Variants in MARCHF4 observed in about 807,000 individuals in gnomAD.
The protein encoded by MARCHF4 is E3 ubiquitin-protein ligase MARCHF4.
In MARCHF4, 14 loss-of-function variants were observed where a neutral mutation model predicts 43.9. The observed-to-expected ratio is 0.32, with a 90% confidence interval of 0.21 to 0.50. The LOEUF (loss-of-function observed/expected upper bound fraction) is 0.50, where lower values mean the gene tolerates loss of function less well. MARCHF4 is among the 20% of genes least tolerant of loss of function. MARCHF4 has a pLI of 0.98. For missense variants in MARCHF4, 468 were observed against 536.7 expected, an observed-to-expected ratio of 0.87 and a Z score of 1.27; for synonymous variants, 226 against 213.3, an observed-to-expected ratio of 1.06 and a Z score of -0.52.
chr2:216,283,523 G>A (rs1026615429), intron 2 of MARCHF4, 51 bp downstream of exon 2: 1 of 1,527,902 alleles, frequency 6.5e-7, no homozygotes, highest in Admixed American at 1.8e-5. Flanking sequence ...TAAAGCAGGT[G>A]GTGTGGAAGC....
intron 1 of MARCHF4, among the ~76,000 whole-genome samples, chr2:216,360,485 T>C (rs1692558721): frequency 6.8e-6 from 1 of 146,590 alleles, no homozygotes; most frequent in Non-Finnish European, 1.5e-5. Flanking sequence ...ATGGAGGAAG[T>C]TTAAATGTAT....
intron 1 of MARCHF4, among the ~76,000 whole-genome samples, chr2:216,317,605 G>T (rs1691799937): frequency 6.6e-6 from 1 of 152,098 alleles, no homozygotes; most frequent in African/African-American, 2.4e-5. Flanking sequence ...GTAGAGATGG[G>T]GTTTCGCCAT....
In MARCHF4 at chr2:216,310,671, C is replaced by G. The variant is rs2105955957; in HGVS notation, c.517-26942G>C. ...TTGCTCTCTGCTGCATGATAACCTTCAAAGTAGTGGTGGGTAGCCAGTCTG... is the reference window on the plus strand; with the variant it reads ...TTGCTCTCTGCTGCATGATAACCTTGAAAGTAGTGGTGGGTAGCCAGTCTG... On this transcript the variant is annotated intron_variant, in intron 1 of 3. Transcript: ENST00000273067. Among the ~76,000 whole-genome samples, 3 of 152,324 alleles carry G rather than the reference C, an allele frequency of 2.0e-5. No individual in the cohort carries two copies. The Middle Eastern group carries it at 0.01, about 518-fold the overall frequency.
At chr2:216,316,288 T>G (rs1436828287) in intron 1 of MARCHF4, among the ~76,000 whole-genome samples, 2 of 152,186 alleles carry the variant, frequency 1.3e-5, no homozygotes, top group African/African-American at 4.8e-5. Context: ...AGAGCAGCCT[T>G]CCTGCTGAGA....
chr2:216,270,981 C>T (rs1255994730), intron 3 of MARCHF4, among the ~76,000 whole-genome samples: 1 of 152,218 alleles, frequency 6.6e-6, no homozygotes, highest in East Asian at 1.9e-4. Flanking sequence ...CCCATTCTCT[C>T]CATAGTTGCT....
chr2:216,343,388 C>G (rs1190636200), intron 1 of MARCHF4, among the ~76,000 whole-genome samples: 1 of 152,154 alleles, frequency 6.6e-6, no homozygotes, highest in African/African-American at 2.4e-5. Flanking sequence ...GCTTTAGTCT[C>G]TTGCTTTTCT....
intron 1 of MARCHF4, among the ~76,000 whole-genome samples, chr2:216,341,554 G>C (rs1404260654): frequency 6.6e-6 from 1 of 152,208 alleles, no homozygotes; most frequent in Non-Finnish European, 1.5e-5. Flanking sequence ...ATGGTTTTAA[G>C]GGCATAAGGC....
intron 2 of MARCHF4, among the ~76,000 whole-genome samples, chr2:216,279,473 AGG>A (rs1691089282): frequency 6.6e-6 from 1 of 152,218 alleles, no homozygotes; most frequent in Admixed American, 6.5e-5. Flanking sequence ...TTGGGAAGGT[AGG>A]GGGAGGACAT....
In MARCHF4 at chr2:216,326,613, G is replaced by A. The variant is rs796669443; in HGVS notation, c.517-42884C>T. Among the ~76,000 whole-genome samples, 613 of 152,120 alleles carry A rather than the reference G, an allele frequency of 4.0e-3. 7 individuals are homozygous for A. Among genetic ancestry groups the A allele is most frequent in the African/African-American group, 0.013 (531 of 41,428 alleles). ...TAAGAAAATGTGGCACATATACACC[G>A]TGGAATACTATGCAGCCGTAAAAAA... is the stretch of plus-strand genomic sequence containing the variant. On this transcript the variant is annotated intron_variant, in intron 1 of 3. Transcript: ENST00000273067.
chr2:216,291,390 G>C (rs564482891), intron 1 of MARCHF4, among the ~76,000 whole-genome samples: 1 of 152,278 alleles, frequency 6.6e-6, no homozygotes, highest in East Asian at 1.9e-4. Context: ...GAAGATTGGC[G>C]GGGGAGGTCC....
chr2:216,266,034 T>A (rs1690840186), intron 3 of MARCHF4: 2 of 152,176 alleles, frequency 1.3e-5, no homozygotes, highest in Admixed American at 6.5e-5. Flanking sequence ...TAAGTAATTT[T>A]AAAAAGTAAT....
intron 1 of MARCHF4, among the ~76,000 whole-genome samples, chr2:216,315,896 G>T (rs1438758307): frequency 6.6e-6 from 1 of 152,160 alleles, no homozygotes. Context: ...AGAAGGAACT[G>T]GAAGAGGATC....
intron 1 of MARCHF4, among the ~76,000 whole-genome samples, chr2:216,315,349 C>A (rs926251585): frequency 3.3e-5 from 5 of 152,116 alleles, no homozygotes; most frequent in Admixed American, 1.3e-4. Context: ...TTGGTATAAC[C>A]CTTTCTAGAA....
At chr2:216,360,709 C>T (rs1185847060) in intron 1 of MARCHF4, among the ~76,000 whole-genome samples, 1 of 152,146 alleles carries the variant, frequency 6.6e-6, no homozygotes, top group Non-Finnish European at 1.5e-5. Context: ...GGTCAAAACC[C>T]TTAGAATGTA....
In MARCHF4 at chr2:216,258,727, G is replaced by C. The variant is rs1025531280; in HGVS notation, c.*585C>G. ...CTCACACCAGCATATCCCTCCCTGA[G>C]CATCCCTCCCTGACCATCCACCCCA... On this transcript the variant is annotated 3_prime_UTR_variant, in exon 4 of 4. Transcript: ENST00000273067. The C allele has an allele frequency of 6.6e-6, 1 of 152,600 alleles. No individual in the cohort carries two copies. Among genetic ancestry groups the C allele is most frequent in the African/African-American group, 2.4e-5 (1 of 41,354 alleles). 9.5% of individuals were successfully genotyped at this position (152,600 alleles called of 1,614,324 possible).
At position 216,369,044 on chromosome 2, in the gene MARCHF4, T is replaced by C. The variant is rs1235220644; in HGVS notation, c.516+701A>G. The stretch of plus-strand genomic sequence containing the variant: ...CACTTTTTAGGTCTGAAAAGGGAAA[T>C]AGCAAGATACCTTATTGCCTACGTC... On this transcript the variant is annotated intron_variant, in intron 1 of 3. Coordinates refer to ENST00000273067, the MANE Select transcript of MARCHF4 (RefSeq NM_020814.3). Among the ~76,000 whole-genome samples, 4 of 152,292 alleles carry C rather than the reference T, an allele frequency of 2.6e-5. No individual in the cohort carries two copies. In the East Asian group the frequency reaches 7.7e-4, roughly 29 times the overall value.
At chr2:216,308,357 T>C (rs1440533358) in intron 1 of MARCHF4, among the ~76,000 whole-genome samples, 1 of 152,110 alleles carries the variant, frequency 6.6e-6, no homozygotes, top group African/African-American at 2.4e-5. Context: ...TGAGCCATGA[T>C]GGTGCCACTG....
In MARCHF4 at chr2:216,275,712, T is replaced by C. The variant is rs551592730; in HGVS notation, c.865+1960A>G. On this transcript the variant is annotated intron_variant, in intron 3 of 3. Transcript: ENST00000273067. ...CATTTATGCTCCTCTCTTTTGTCCG[T>C]GCTCCCTCCAGGGAAGGAACTTATT... Among the ~76,000 whole-genome samples, 6 of 152,348 alleles carry C rather than the reference T, an allele frequency of 3.9e-5. No homozygotes were observed. In the South Asian group the frequency reaches 1.2e-3, roughly 32 times the overall value.
In MARCHF4 at chr2:216,271,957, A is replaced by ATTTTTTT. The variant is rs57629851; in HGVS notation, c.865+5708_865+5714dup. Among the ~76,000 whole-genome samples the ATTTTTTT allele has an allele frequency of 4.7e-4, 47 of 100,578 alleles. 1 individual carries two copies. The highest frequency in any genetic ancestry group is 1.7e-3 in the African/African-American group (41 of 24,560). 66.0% of individuals were successfully genotyped at this position (100,578 alleles called of 152,430 possible). On this transcript the variant is annotated intron_variant, in intron 3 of 3. Coordinates refer to ENST00000273067, the MANE Select transcript of MARCHF4 (RefSeq NM_020814.3). The stretch of plus-strand genomic sequence containing the variant: ...AGGTGCACACCACCACACCTGGCTA[A>ATTTTTTT]TTTTTTTTTTTTTTTTTTTTTTTTT...
Sources: allele counts gnomAD v4.1 joint callset (sites outside exome capture counted in the v4.1 genomes callset), GRCh38; gene constraint gnomAD v4.1.1; transcripts MANE v1.5; gene names NCBI Gene and HGNC (gene_info 2026-07-23, HGNC 2026-07-21).